Variants in PDE6D observed in about 807,000 individuals in gnomAD.
PDE6D encodes retinal rod rhodopsin-sensitive cGMP 3',5'-cyclic phosphodiesterase subunit delta.
In PDE6D, 10 loss-of-function variants were observed where a neutral mutation model predicts 21.9. The observed-to-expected ratio is 0.46, with a 90% confidence interval of 0.28 to 0.78. PDE6D has a LOEUF of 0.78. Among genes scored for constraint, PDE6D ranks in the 30% least tolerant of loss-of-function variants. The pLI, the probability that PDE6D is intolerant of heterozygous loss-of-function variation, is 0.12. For synonymous variants in PDE6D, 59 were observed against 63.5 expected, an observed-to-expected ratio of 0.93 and a Z score of 0.34; for missense variants, 139 against 184.8, an observed-to-expected ratio of 0.75 and a Z score of 1.44.
chr2:231,780,945 C>T, intron 1 of PDE6D, 120 bp downstream of exon 1: 1 of 895,152 alleles, frequency 1.1e-6, no homozygotes, highest in Non-Finnish European at 1.8e-6. Flanking sequence ...CTTTCCTCTC[C>T]CCTCCCGCGG....
chr2:231,738,459 T>C (rs1339571780), intron 2 of PDE6D, among the ~76,000 whole-genome samples: 1 of 152,212 alleles, frequency 6.6e-6, no homozygotes, highest in African/African-American at 2.4e-5. Flanking sequence ...CTCTACTCTG[T>C]TCTGGTGATT....
chr2:231,747,179 C>T (rs1407848568), intron 1 of PDE6D, among the ~76,000 whole-genome samples: 1 of 152,188 alleles, frequency 6.6e-6, no homozygotes, highest in Non-Finnish European at 1.5e-5. Flanking sequence ...CAACCTCCGC[C>T]TCCCGGGTTC....
In PDE6D at chr2:231,781,244, A is replaced by C. The variant is rs954645099; in HGVS notation, c.-130T>G. On this transcript the variant is annotated 5_prime_UTR_variant, in exon 1 of 5. Transcript: ENST00000287600. ...GGCTAGCAGCCGCAGCGGCCAGACC[A>C]GGACCGGCCTCTCTCTCCCCTCAGC... 5 of 791,690 alleles carry C rather than the reference A, an allele frequency of 6.3e-6. No homozygotes were observed. The East Asian group carries it at 1.1e-4, about 18-fold the overall frequency. 49.0% of individuals were successfully genotyped at this position (791,690 alleles called of 1,614,324 possible).
chr2:231,762,398 G>A (rs945697905), intron 1 of PDE6D, among the ~76,000 whole-genome samples: 3 of 141,474 alleles, frequency 2.1e-5, no homozygotes, highest in African/African-American at 5.4e-5. Flanking sequence ...AGGCTGGAGT[G>A]CAGTAGTGCG....
chr2:231,745,324 T>C (rs528533447), intron 1 of PDE6D, among the ~76,000 whole-genome samples: 1 of 152,310 alleles, frequency 6.6e-6, no homozygotes, highest in African/African-American at 2.4e-5. Flanking sequence ...CATATTTGTT[T>C]TAACAGCTTA....
intron 1 of PDE6D, among the ~76,000 whole-genome samples, chr2:231,775,315 T>A (rs559694635): frequency 1.3e-5 from 2 of 152,002 alleles, no homozygotes; most frequent in East Asian, 3.9e-4. Context: ...GATAGTCCAT[T>A]ATTATTATTA....
intron 1 of PDE6D, among the ~76,000 whole-genome samples, chr2:231,778,344 A>G (rs764095753): frequency 8.5e-5 from 13 of 152,272 alleles, no homozygotes; most frequent in South Asian, 4.1e-4. Flanking sequence ...ACATTGAAAG[A>G]AAATATTTGC....
chr2:231,780,829 C>T (rs936356084), intron 1 of PDE6D, among the ~76,000 whole-genome samples: 1 of 152,190 alleles, frequency 6.6e-6, no homozygotes, highest in Non-Finnish European at 1.5e-5. Context: ...TCCCCCGTCT[C>T]CACCCGCCAC....
chr2:231,742,041 A>G (rs1039246109), intron 1 of PDE6D, among the ~76,000 whole-genome samples: 2 of 152,230 alleles, frequency 1.3e-5, no homozygotes, highest in African/African-American at 4.8e-5. Context: ...TAAGCTAAAA[A>G]GGATTGAAAA....
chr2:231,766,012 C>A (rs2048968098), intron 1 of PDE6D, among the ~76,000 whole-genome samples: 1 of 152,212 alleles, frequency 6.6e-6, no homozygotes, highest in South Asian at 2.1e-4. Context: ...TTCTTAAGGA[C>A]CAATTCTAAT....
At chr2:231,767,787 C>T (rs1186273012) in intron 1 of PDE6D, among the ~76,000 whole-genome samples, 1 of 151,778 alleles carries the variant, frequency 6.6e-6, no homozygotes, top group Non-Finnish European at 1.5e-5. Context: ...TTTATTTCCT[C>T]ATGTATTCAT....
At chr2:231,743,244 T>G (rs1480968780) in intron 1 of PDE6D, among the ~76,000 whole-genome samples, 1 of 151,878 alleles carries the variant, frequency 6.6e-6, no homozygotes, top group Non-Finnish European at 1.5e-5. Context: ...GCCAACATGG[T>G]GAAACCCCGT....
rs2049120010 is a variant in PDE6D, at chr2:231,781,134, G to A, written c.-20C>T. The A allele has an allele frequency of 6.2e-7, 1 of 1,611,384 alleles. No individual in the cohort carries two copies. Among genetic ancestry groups the A allele is most frequent in the Non-Finnish European group, 8.5e-7 (1 of 1,179,166 alleles). On this transcript the variant is annotated 5_prime_UTR_variant, in exon 1 of 5. Transcript: ENST00000287600. ...TGACATGATGCGGCGGTCGCCGCCCGCGGCTTTCTCACTCTGGTCGGCGGA... is the reference window on the plus strand; with the variant it reads ...TGACATGATGCGGCGGTCGCCGCCCACGGCTTTCTCACTCTGGTCGGCGGA...
chr2:231,737,079 T>C, intron 4 of PDE6D, 108 bp downstream of exon 4: 1 of 603,406 alleles, frequency 1.7e-6, no homozygotes, highest in Non-Finnish European at 3.0e-6. Context: ...TCTTTTACTC[T>C]ATTTCTCAAC....
chr2:231,780,452 T>C (rs1358560629), intron 1 of PDE6D, among the ~76,000 whole-genome samples: 1 of 152,170 alleles, frequency 6.6e-6, no homozygotes, highest in Non-Finnish European at 1.5e-5. Flanking sequence ...CTTGGACTTC[T>C]CTTTCCCCAC....
rs751295098 is a variant in PDE6D, at chr2:231,739,240, T to C, written c.51-52A>G. On this transcript the variant is annotated intron_variant, in intron 1 of 4. Transcript: ENST00000287600. The surrounding 1 kb of genome is among the most constrained non-coding windows in gnomAD (Gnocchi z 4.2). ...AAGGCACTGAAAGTGACTCCCACTTTGTATTCTAGGTGTCTCATGTTTACT... is the reference window on the plus strand; with the variant it reads ...AAGGCACTGAAAGTGACTCCCACTTCGTATTCTAGGTGTCTCATGTTTACT... 7.2e-6 allele frequency: 8 copies of C among 1,109,376 alleles called. No homozygotes were observed. In the South Asian group the frequency reaches 8.6e-5, roughly 12 times the overall value. The allele number at this position is 1,109,376 out of a possible 1,614,324, so 68.7% of individuals were successfully genotyped here.
intron 1 of PDE6D, among the ~76,000 whole-genome samples, chr2:231,750,976 C>T (rs56389766): frequency 0.013 from 1,958 of 152,150 alleles, 43 homozygotes; most frequent in African/African-American, 0.044. Context: ...TGCAAGTTGA[C>T]ACTTCTTAAT....
chr2:231,736,255 T>C (rs1258082455), intron 4 of PDE6D, among the ~76,000 whole-genome samples: 3 of 152,022 alleles, frequency 2.0e-5, no homozygotes, highest in Non-Finnish European at 4.4e-5. Context: ...AAATTCAATA[T>C]GGCTTTCATA....
chr2:231,765,483 A>G (rs2106281870), intron 1 of PDE6D, among the ~76,000 whole-genome samples: 1 of 152,340 alleles, frequency 6.6e-6, no homozygotes, highest in South Asian at 2.1e-4. Context: ...GACTTGACAG[A>G]GTACTCATAA....
Sources: gnomAD v4.1 joint callset for allele counts (sites outside exome capture counted in the v4.1 genomes callset) on GRCh38, gnomAD v4.1.1 for gene constraint, Gnocchi (gnomAD v3.1) non-coding constraint, MANE v1.5 for transcripts, NCBI Gene and HGNC (gene_info 2026-07-23, HGNC 2026-07-21) for gene names.